CADPS2: variants seen among roughly 807,000 people sequenced by gnomAD.
CADPS2 encodes the protein calcium-dependent secretion activator 2.
In CADPS2, 93 loss-of-function variants were observed where a neutral mutation model predicts 172.5. The ratio of observed to expected loss-of-function variants is 0.54; its 90% CI spans 0.46 to 0.64. The LOEUF (loss-of-function observed/expected upper bound fraction) is 0.64. Among genes scored for constraint, CADPS2 ranks in the 30% least tolerant of loss-of-function variants. The pLI, the probability that CADPS2 is intolerant of heterozygous loss-of-function variation, is 0.00. For synonymous variants in CADPS2, 546 were observed against 555.2 expected, an observed-to-expected ratio of 0.98 and a Z score of 0.23; for missense variants, 1,420 against 1,565.9, an observed-to-expected ratio of 0.91 and a Z score of 1.57.
intron 6 of CADPS2, among the ~76,000 whole-genome samples, chr7:122,599,376 G>C (rs1268894977): frequency 6.6e-6 from 1 of 151,876 alleles, no homozygotes; most frequent in Non-Finnish European, 1.5e-5. Flanking sequence ...AGGATGATGT[G>C]GTAAGAAAGA....
intron 14 of CADPS2, among the ~76,000 whole-genome samples, chr7:122,464,061 T>C (rs1314192999): frequency 6.6e-6 from 1 of 152,152 alleles, no homozygotes; most frequent in African/African-American, 2.4e-5. Flanking sequence ...GGTTTCTAAA[T>C]ACCATTCTCT....
intron 12 of CADPS2, among the ~76,000 whole-genome samples, chr7:122,480,357 A>T (rs2057147208): frequency 8.3e-6 from 1 of 120,082 alleles, no homozygotes; most frequent in Admixed American, 8.6e-5. Context: ...TAAGCTTCTG[A>T]TTTATACTTC....
chr7:122,545,609 C>T (rs1313760493), intron 8 of CADPS2, among the ~76,000 whole-genome samples: 1 of 151,968 alleles, frequency 6.6e-6, no homozygotes, highest in Non-Finnish European at 1.5e-5. Flanking sequence ...AAAATGGGAA[C>T]ATCGTAGAAA....
At chr7:122,499,957 GA>G (rs923076088) in intron 9 of CADPS2, among the ~76,000 whole-genome samples, 1 of 152,128 alleles carries the variant, frequency 6.6e-6, no homozygotes, top group African/African-American at 2.4e-5. Context: ...GGAGAGAGAT[GA>G]AGGGCATGGG....
At chr7:122,573,200 C>T (rs775588148) in intron 7 of CADPS2, among the ~76,000 whole-genome samples, 1 of 152,012 alleles carries the variant, frequency 6.6e-6, no homozygotes, top group Admixed American at 6.6e-5. Flanking sequence ...CTTGGCATAC[C>T]CCAAACCAAC....
At chr7:122,564,663 C>T (rs1169023087) in intron 7 of CADPS2, among the ~76,000 whole-genome samples, 2 of 152,052 alleles carry the variant, frequency 1.3e-5, no homozygotes, top group Non-Finnish European at 2.9e-5. Flanking sequence ...AATCCCACTA[C>T]TAAGTACCCA....
Position 122,440,551 on chromosome 7 carries a change from T to C in CADPS2, c.2352+961A>G, listed in dbSNP as rs974376708. On this transcript the variant is annotated intron_variant, in intron 16 of 29. Coordinates refer to ENST00000449022, the MANE Select transcript of CADPS2 (RefSeq NM_017954.11). ...ATATAAAAATAAAATTAATCTGTAA[T>C]CCTAAGATCTCATTTTAATCATCAG... Among the ~76,000 whole-genome samples the C allele has an allele frequency of 3.3e-5, 5 of 152,144 alleles. No homozygotes were observed. In the South Asian group the frequency reaches 8.3e-4, roughly 25 times the overall value.
At chr7:122,747,481 C>T (rs1195320699) in intron 1 of CADPS2, among the ~76,000 whole-genome samples, 3 of 152,106 alleles carry the variant, frequency 2.0e-5, no homozygotes, top group South Asian at 4.1e-4. Flanking sequence ...CTTGACTACC[C>T]TTAATATATG....
At chr7:122,717,167 C>A (rs1048378576) in intron 2 of CADPS2, among the ~76,000 whole-genome samples, 1 of 152,058 alleles carries the variant, frequency 6.6e-6, no homozygotes, top group African/African-American at 2.4e-5. Flanking sequence ...ACATACTTGT[C>A]TTTATCTTTC....
intron 2 of CADPS2, among the ~76,000 whole-genome samples, chr7:122,713,020 G>A (rs908221998): frequency 6.6e-6 from 1 of 151,848 alleles, no homozygotes; most frequent in Non-Finnish European, 1.5e-5. Context: ...AATAAATCCT[G>A]TCCCCAAGGT....
At chr7:122,497,290 AAAGAC>A (rs1233950791) in intron 9 of CADPS2, among the ~76,000 whole-genome samples, 1 of 152,210 alleles carries the variant, frequency 6.6e-6, no homozygotes. Flanking sequence ...GATTTATTTT[AAAGAC>A]AAGCTATATT....
At chr7:122,746,490 C>T (rs2092719972) in intron 1 of CADPS2, among the ~76,000 whole-genome samples, 1 of 152,066 alleles carries the variant, frequency 6.6e-6, no homozygotes, top group Non-Finnish European at 1.5e-5. Flanking sequence ...TTTCCTGAAC[C>T]CCAATCCACA....
intron 2 of CADPS2, among the ~76,000 whole-genome samples, chr7:122,680,957 T>C (rs2082960304): frequency 1.3e-5 from 2 of 151,488 alleles, no homozygotes; most frequent in Non-Finnish European, 2.9e-5. Flanking sequence ...CCATACAAAA[T>C]GATGAGTTCA....
At chr7:122,648,878 AC>A (rs2078841179) in intron 3 of CADPS2, among the ~76,000 whole-genome samples, 1 of 152,112 alleles carries the variant, frequency 6.6e-6, no homozygotes, top group Admixed American at 6.6e-5. Context: ...CAAAAGATCT[AC>A]AGCAGAACAA....
chr7:122,789,540 A>G (rs1400290828), intron 1 of CADPS2, among the ~76,000 whole-genome samples: 1 of 152,142 alleles, frequency 6.6e-6, no homozygotes, highest in Non-Finnish European at 1.5e-5. Context: ...AAACATCTTT[A>G]GTTCCCAAAC....
intron 1 of CADPS2, among the ~76,000 whole-genome samples, chr7:122,799,093 A>C (rs1407266066): frequency 6.6e-6 from 1 of 151,838 alleles, no homozygotes; most frequent in Non-Finnish European, 1.5e-5. Context: ...CTTATAAACA[A>C]ATCTTAAATA....
At chr7:122,512,097 A>G (rs1420936623) in intron 9 of CADPS2, among the ~76,000 whole-genome samples, 1 of 151,170 alleles carries the variant, frequency 6.6e-6, no homozygotes, top group Non-Finnish European at 1.5e-5. Flanking sequence ...TTAGCCAGGA[A>G]AAAAAAAATA....
chr7:122,382,934 G>C (rs1488620111), intron 24 of CADPS2, among the ~76,000 whole-genome samples: 1 of 152,124 alleles, frequency 6.6e-6, no homozygotes, highest in African/African-American at 2.4e-5. Flanking sequence ...GCTACCATTT[G>C]AATCAGCAAT....
At chr7:122,379,200 A>G in intron 25 of CADPS2, 168 bp downstream of exon 25, 1 of 480,184 alleles carries the variant, frequency 2.1e-6, no homozygotes. Context: ...CTGTTGACAT[A>G]GTGTTCCTAA....
Sources: allele counts gnomAD v4.1 joint callset (sites outside exome capture counted in the v4.1 genomes callset), GRCh38; gene constraint gnomAD v4.1.1; transcripts MANE v1.5; gene names NCBI Gene and HGNC (gene_info 2026-07-23, HGNC 2026-07-21).